Variants in ST7 observed in about 807,000 individuals in gnomAD.
The protein encoded by ST7 is suppressor of tumorigenicity 7 protein.
A neutral mutation model predicts 78.7 loss-of-function variants in ST7; 28 were observed. The observed-to-expected ratio is 0.36, with a 90% CI of 0.26 to 0.49. The LOEUF is 0.49. Ranked by LOEUF, ST7 falls within the 20% of genes least tolerant of loss-of-function variation. The probability of loss-of-function intolerance (pLI) is 0.99; values close to 1 mark genes in which losing one functional copy is unlikely to be tolerated. For missense variants in ST7, 418 were observed against 696.0 expected (o/e 0.60, Z 4.49); for synonymous variants, 247 against 249.6 (o/e 0.99, Z 0.10).
intron 1 of ST7, among the ~76,000 whole-genome samples, chr7:117,003,103 C>T (rs1453508114): frequency 6.6e-6 from 1 of 151,638 alleles, no homozygotes; most frequent in Non-Finnish European, 1.5e-5. Context: ...GGATTACAGG[C>T]GTGAGCCACC....
Position 117,135,987 on chromosome 7 carries a change from T to C in ST7, c.711-94T>C, listed in dbSNP as rs536502420. Reference sequence around the variant, plus strand: ...AACCAGTTGGCCACTCTGCATGTTTTGGCGTAACTCCTTGCCTTTCTGCAT... The same window carrying C: ...AACCAGTTGGCCACTCTGCATGTTTCGGCGTAACTCCTTGCCTTTCTGCAT... On this transcript the variant is annotated intron_variant, in intron 7 of 15. Transcript: ENST00000323984. The C allele has an allele frequency of 1.5e-5, 21 of 1,391,170 alleles. No homozygotes were observed. In the Middle Eastern group the frequency reaches 5.6e-4, roughly 37 times the overall value. 86.2% of individuals were successfully genotyped at this position (1,391,170 alleles called of 1,614,324 possible).
At chr7:117,093,156 T>C (rs1800760348) in intron 1 of ST7, among the ~76,000 whole-genome samples, 2 of 152,138 alleles carry the variant, frequency 1.3e-5, no homozygotes. Flanking sequence ...GGTTTAGTAC[T>C]ACCCCAAGCA....
chr7:117,190,564 C>T lies in ST7; in HGVS notation c.1152-270C>T, dbSNP rs1369928463. Among the ~76,000 whole-genome samples, 2 of 152,186 alleles carry T rather than the reference C, an allele frequency of 1.3e-5. No individual in the cohort carries two copies. The highest frequency in any genetic ancestry group is 2.9e-5 in the Non-Finnish European group (2 of 68,032). ...CTTCCCCTGACCTGAGCAGGTACCT[C>T]GTAGAAGATTTAGATTAGCCATTTA... On this transcript the variant is annotated intron_variant, in intron 11 of 15. Coordinates refer to ENST00000323984, the MANE Select transcript of ST7 (RefSeq NM_001369598.1). The surrounding 1 kb of genome is among the most constrained non-coding windows in gnomAD (Gnocchi z 5.2).
At chr7:116,961,299 G>A (rs556493129) in intron 1 of ST7, among the ~76,000 whole-genome samples, 2 of 152,180 alleles carry the variant, frequency 1.3e-5, no homozygotes, top group South Asian at 2.1e-4. Context: ...GGCTATTTGG[G>A]CTATTTTTTG....
intron 1 of ST7, among the ~76,000 whole-genome samples, chr7:117,060,934 A>T (rs1381269479): frequency 6.6e-6 from 1 of 152,194 alleles, no homozygotes; most frequent in African/African-American, 2.4e-5. Context: ...TGAACCTGGG[A>T]GGCGGAGGTT....
intron 1 of ST7, among the ~76,000 whole-genome samples, chr7:117,015,929 G>T (rs1275433417): frequency 1.3e-5 from 2 of 152,146 alleles, no homozygotes; most frequent in African/African-American, 4.8e-5. Context: ...CATCCGGATT[G>T]AACTCTACTT....
intron 10 of ST7, among the ~76,000 whole-genome samples, chr7:117,179,432 A>G (rs1241076113): frequency 6.6e-6 from 1 of 152,234 alleles, no homozygotes; most frequent in Admixed American, 6.5e-5. Context: ...GAGAACAGGC[A>G]ATTGCTGTTA....
intron 1 of ST7, among the ~76,000 whole-genome samples, chr7:117,064,541 A>T (rs1798531254): frequency 6.6e-6 from 1 of 152,234 alleles, no homozygotes. Context: ...TGGGGTTTGC[A>T]GGTGAAATTT....
At chr7:117,130,342 A>T (rs1042647431) in intron 4 of ST7, 149 bp from the exon 5 acceptor site, 3 of 494,614 alleles carry the variant, frequency 6.1e-6, no homozygotes, top group Non-Finnish European at 1.0e-5. Flanking sequence ...GGAGAATAAG[A>T]TGATTTTTAA....
At position 117,209,920 on chromosome 7, in the gene ST7, A is replaced by G. The variant is rs1419870538; in HGVS notation, c.1388A>G (p.His463Arg). 1.2e-6 allele frequency: 2 copies of G among 1,613,382 alleles called. No homozygotes were observed. Among genetic ancestry groups the G allele is most frequent in the Non-Finnish European group, 1.7e-6 (2 of 1,179,842 alleles). ...KRVEGALNLL[H>R]CTWEGTFRMI... ...GTGGAAGGGGCTTTGAATCTTTTGC[A>G]TTGTACGTGGGAAGGCAGTAAGTAA... The change falls in exon 13 of 16, where the codon CAT (histidine) becomes CGT (arginine). Residue 463 changes from histidine (H) to arginine (R), a missense_variant. By Grantham distance (29) the His-to-Arg change is conservative (BLOSUM62 0). Transcript: ENST00000323984.
chr7:117,130,025 T>C (rs1399375602), intron 4 of ST7, among the ~76,000 whole-genome samples, 178 bp downstream of exon 4: 1 of 151,922 alleles, frequency 6.6e-6, no homozygotes, highest in African/African-American at 2.4e-5. Flanking sequence ...TAGCACTAGA[T>C]TTGGGATAAT....
chr7:117,037,522 T>C (rs984917303), intron 1 of ST7, among the ~76,000 whole-genome samples: 1 of 152,222 alleles, frequency 6.6e-6, no homozygotes, highest in African/African-American at 2.4e-5. Context: ...TTTCACATTG[T>C]CCTATTGGGG....
At chr7:116,995,906 G>A (rs1794629173) in intron 1 of ST7, among the ~76,000 whole-genome samples, 1 of 152,184 alleles carries the variant, frequency 6.6e-6, no homozygotes. Context: ...AAAGACACAT[G>A]TTTGAGCTAG....
intron 1 of ST7, among the ~76,000 whole-genome samples, chr7:117,075,363 A>T (rs1799266367): frequency 1.3e-5 from 2 of 152,190 alleles, no homozygotes; most frequent in South Asian, 4.1e-4. Context: ...GTACCTACAG[A>T]AATAAAGGAG....
Position 117,152,177 on chromosome 7 carries a change from C to CTATATATATATA in ST7, c.963+13680_963+13691dup, listed in dbSNP as rs58892731. Among the ~76,000 whole-genome samples, 16 of 66,852 alleles carry CTATATATATATA rather than the reference C, an allele frequency of 2.4e-4. 1 individual carries two copies. The highest frequency in any genetic ancestry group is 4.4e-4 in the Non-Finnish European group (15 of 34,192). 43.9% of individuals were successfully genotyped at this position (66,852 alleles called of 152,430 possible). A position where few individuals can be genotyped will look rare whatever the true frequency, so the allele number is the denominator to read the frequency against. ...AATATATGTATTATATATATAAAAA[C>CTATATATATATA]TATATATATATATATATATATATAT... On this transcript the variant is annotated intron_variant, in intron 9 of 15. Coordinates refer to ENST00000323984, the MANE Select transcript of ST7 (RefSeq NM_001369598.1).
chr7:116,980,392 A>C (rs1793905576), intron 1 of ST7, among the ~76,000 whole-genome samples: 4 of 152,184 alleles, frequency 2.6e-5, no homozygotes. Flanking sequence ...AGTGTCCCAC[A>C]TAATCAATAT....
chr7:117,067,186 G>A (rs1004029348), intron 1 of ST7, among the ~76,000 whole-genome samples: 5 of 151,770 alleles, frequency 3.3e-5, no homozygotes, highest in East Asian at 1.9e-4. Context: ...GCTTATGAAC[G>A]ATACTTCTCT....
chr7:117,129,690 A>C, intron 3 of ST7, 103 bp from the exon 4 acceptor site: 3 of 903,086 alleles, frequency 3.3e-6, no homozygotes, highest in Admixed American at 1.9e-5. Context: ...GGTAGTGAAT[A>C]GAATTATCTT....
intron 2 of ST7, among the ~76,000 whole-genome samples, chr7:117,111,014 C>G (rs1189420160): frequency 6.6e-6 from 1 of 152,182 alleles, no homozygotes; most frequent in Non-Finnish European, 1.5e-5. Flanking sequence ...TCTCAAAATG[C>G]TGGTCTGTAG....
Sources: allele counts gnomAD v4.1 joint callset (sites outside exome capture counted in the v4.1 genomes callset), GRCh38; gene constraint gnomAD v4.1.1; non-coding constraint Gnocchi (gnomAD v3.1); transcripts MANE v1.5; gene names NCBI Gene and HGNC (gene_info 2026-07-23, HGNC 2026-07-21).